Variants in CPEB4 observed in about 807,000 individuals in gnomAD.
CPEB4 encodes the protein cytoplasmic polyadenylation element binding protein 4, also known as cytoplasmic polyadenylation element-binding protein 4.
In CPEB4, 12 loss-of-function variants were observed where a neutral mutation model predicts 72.5. That is an observed-to-expected ratio of 0.17 (90% confidence interval 0.11 to 0.27). The LOEUF is 0.27. Ranked by LOEUF, CPEB4 falls within the 10% of genes least tolerant of loss-of-function variation. The probability of loss-of-function intolerance (pLI) is 1.00; values close to 1 mark genes in which losing one functional copy is unlikely to be tolerated. For missense variants in CPEB4, 614 were observed against 908.5 expected (o/e 0.68, Z 4.17); for synonymous variants, 302 against 326.3 (o/e 0.93, Z 0.80).
intron 2 of CPEB4, among the ~76,000 whole-genome samples, chr5:173,912,241 C>T (rs1000446388): frequency 2.0e-5 from 3 of 152,004 alleles, no homozygotes; most frequent in African/African-American, 7.3e-5. Flanking sequence ...CCTCTTGGAC[C>T]CTTTGTTTTC....
rs1304847822 is a variant in CPEB4, at chr5:173,888,796, G to A, written c.-938G>A. ...CCCGGAGCCGCAGAGAGGGGAAGAG[G>A]CAGAAACCGCAGGACCTTCCAGGTC... On this transcript the variant is annotated 5_prime_UTR_variant, in exon 1 of 10. Coordinates refer to ENST00000265085, the MANE Select transcript of CPEB4 (RefSeq NM_030627.4). This position sits in a 1 kb window ranked among gnomAD's most constrained non-coding sequence, Gnocchi z 4.3. The A allele has an allele frequency of 8.4e-6, 3 of 355,808 alleles. No individual in the cohort carries two copies. The highest frequency in any genetic ancestry group is 1.5e-5 in the Non-Finnish European group (3 of 199,884). The allele number at this position is 355,808 out of a possible 1,614,324, so 22.0% of individuals were successfully genotyped here.
chr5:173,890,811 T>A lies in CPEB4; in HGVS notation c.1078T>A (p.Trp360Arg). 1 of 1,614,074 alleles carries A rather than the reference T, an allele frequency of 6.2e-7. No homozygotes were observed. The highest frequency in any genetic ancestry group is 8.5e-7 in the Non-Finnish European group (1 of 1,179,970). The change falls in exon 1 of 10, where the codon TGG (tryptophan) becomes AGG (arginine). Residue 360 changes from tryptophan (W) to arginine (R), a missense_variant. Trp to Arg is a moderately radical substitution (Grantham distance 101). Transcript: ENST00000265085. ...RPSSAFAPKS[W>R]MEDSLNRADN... ...CAGCTCTGCCTTTGCACCTAAATCC[T>A]GGATGGAAGATAGCTTGAACAGGGC...
chr5:173,935,597 C>T (rs1022195087), intron 3 of CPEB4, among the ~76,000 whole-genome samples: 1 of 152,124 alleles, frequency 6.6e-6, no homozygotes, highest in African/African-American at 2.4e-5. Context: ...AAATGTAGAG[C>T]AGCTGTTTAT....
rs1455228733 is a variant in CPEB4, at chr5:173,959,366, G to T, written c.*3229G>T. 2.0e-5 allele frequency: 3 copies of T among 152,742 alleles called. No homozygotes were observed. The highest frequency in any genetic ancestry group is 4.8e-5 in the African/African-American group (2 of 41,440). The allele number at this position is 152,742 out of a possible 1,614,324, so 9.5% of individuals were successfully genotyped here. On this transcript the variant is annotated 3_prime_UTR_variant, in exon 10 of 10. Coordinates refer to ENST00000265085, the MANE Select transcript of CPEB4 (RefSeq NM_030627.4). ...TATACTTCTCCATACACAGACCTCTGCAGAATGCAAAATAAAACTTGCAGT... is the reference window on the plus strand; with the variant it reads ...TATACTTCTCCATACACAGACCTCTTCAGAATGCAAAATAAAACTTGCAGT...
In CPEB4 at chr5:173,956,575, C is replaced by T. The variant is rs1758384550; in HGVS notation, c.*438C>T. The T allele has an allele frequency of 6.6e-6, 1 of 151,400 alleles. No individual in the cohort carries two copies. The highest frequency in any genetic ancestry group is 1.5e-5 in the Non-Finnish European group (1 of 68,302). The allele number at this position is 151,400 out of a possible 1,614,324, so 9.4% of individuals were successfully genotyped here. ...ATCGGTCTATCTGACAGTTTTTCCCCCAGGGAAGTGCTTTTGCCTTTTCCT... is the reference window on the plus strand; with the variant it reads ...ATCGGTCTATCTGACAGTTTTTCCCTCAGGGAAGTGCTTTTGCCTTTTCCT... On this transcript the variant is annotated 3_prime_UTR_variant, in exon 10 of 10. Coordinates refer to ENST00000265085, the MANE Select transcript of CPEB4 (RefSeq NM_030627.4).
chr5:173,932,478 C>A lies in CPEB4; in HGVS notation c.1236C>A (p.Ser412=), dbSNP rs200019841. ...GTCTAAACTATTCATATCCAGGATC[C>A]GATAGCTCTCTGCTTATTAATGGTA... is the stretch of plus-strand genomic sequence containing the variant. ...KGRLNYSYPG[S]DSSLLINART... Residue 412 remains serine, a synonymous_variant, in exon 3 of 10, where the codon TCC becomes TCA. Coordinates refer to ENST00000265085, the MANE Select transcript of CPEB4 (RefSeq NM_030627.4). 3 of 1,612,418 alleles carry A rather than the reference C, an allele frequency of 1.9e-6. No homozygotes were observed. Among genetic ancestry groups the A allele is most frequent in the Non-Finnish European group, 2.5e-6 (3 of 1,179,198 alleles).
intron 3 of CPEB4, among the ~76,000 whole-genome samples, chr5:173,936,892 G>A (rs1426748721): frequency 6.6e-6 from 1 of 150,540 alleles, no homozygotes; most frequent in Non-Finnish European, 1.5e-5. Flanking sequence ...TGAACCTTGT[G>A]GCAGGAGAAA....
intron 4 of CPEB4, among the ~76,000 whole-genome samples, 179 bp from the exon 5 acceptor site, chr5:173,944,788 G>A (rs1757960417): frequency 6.6e-6 from 1 of 152,144 alleles, no homozygotes; most frequent in African/African-American, 2.4e-5. Context: ...CTTTCTCTCT[G>A]ACTCAGTTGG....
intron 1 of CPEB4, among the ~76,000 whole-genome samples, chr5:173,891,929 C>T (rs988053511): frequency 4.0e-5 from 6 of 151,646 alleles, no homozygotes; most frequent in Non-Finnish European, 7.4e-5. Flanking sequence ...TATATAATAA[C>T]TTAGCCAAGG....
chr5:173,938,776 G>A (rs1443148214), intron 3 of CPEB4, among the ~76,000 whole-genome samples: 1 of 152,160 alleles, frequency 6.6e-6, no homozygotes, highest in Non-Finnish European at 1.5e-5. Context: ...ATGTAGGAAA[G>A]TATGCTTTTG....
At chr5:173,893,823 G>A (rs1755903830) in intron 1 of CPEB4, among the ~76,000 whole-genome samples, 1 of 152,162 alleles carries the variant, frequency 6.6e-6, no homozygotes, top group Non-Finnish European at 1.5e-5. Flanking sequence ...TACATATAAT[G>A]AATTAAAATT....
rs1281022320 is a variant in CPEB4 at position 173,910,621 on chromosome 5, AC to A, written c.1207+20del. 4 of 1,453,766 alleles carry A rather than the reference AC, an allele frequency of 2.8e-6. No individual in the cohort carries two copies. In the East Asian group the frequency reaches 9.1e-5, roughly 33 times the overall value. The allele number at this position is 1,453,766 out of a possible 1,614,324, so 90.1% of individuals were successfully genotyped here. On this transcript the variant is annotated intron_variant, in intron 2 of 9. Coordinates refer to ENST00000265085, the MANE Select transcript of CPEB4 (RefSeq NM_030627.4). ...CCATTAAAGGTAAGTTTAGAAATAT[AC>A]CCAATTGATTTCAGACAATAGTTTT... is the stretch of plus-strand genomic sequence containing the variant.
chr5:173,914,951 C>T (rs982626718), intron 2 of CPEB4, among the ~76,000 whole-genome samples: 1 of 152,106 alleles, frequency 6.6e-6, no homozygotes, highest in African/African-American at 2.4e-5. Flanking sequence ...TCTGGTTCCT[C>T]ATAGGTATGC....
chr5:173,903,411 G>A (rs1756310100), intron 1 of CPEB4, among the ~76,000 whole-genome samples: 1 of 152,152 alleles, frequency 6.6e-6, no homozygotes, highest in Non-Finnish European at 1.5e-5. Flanking sequence ...CACCCCTAAG[G>A]ATCTAATGAA....
At chr5:173,951,793 A>T (rs1221846281) in intron 7 of CPEB4, 31 bp from the exon 8 acceptor site, 10 of 1,323,188 alleles carry the variant, frequency 7.6e-6, no homozygotes, top group Non-Finnish European at 1.1e-5. Context: ...CTGTATTGAG[A>T]ATGAGACATT....
chr5:173,930,593 C>T (rs2113232788), intron 2 of CPEB4, among the ~76,000 whole-genome samples: 1 of 152,222 alleles, frequency 6.6e-6, no homozygotes, highest in Admixed American at 6.5e-5. Flanking sequence ...TCTTCCATCT[C>T]CATTCCTACC....
rs1012100174 is a variant in CPEB4, at chr5:173,955,652, C to T, written c.1963-258C>T. Among the ~76,000 whole-genome samples, 1 of 152,170 alleles carries T rather than the reference C, an allele frequency of 6.6e-6. No individual in the cohort carries two copies. Among genetic ancestry groups the T allele is most frequent in the Non-Finnish European group, 1.5e-5 (1 of 68,032 alleles). On this transcript the variant is annotated intron_variant, in intron 9 of 9. Coordinates refer to ENST00000265085, the MANE Select transcript of CPEB4 (RefSeq NM_030627.4). This position sits in a 1 kb window ranked among gnomAD's most constrained non-coding sequence, Gnocchi z 4.7. ...ATTCTAGTCTAAACAGTTGGCTTCACTTCATGATGTCTGCTCAAATCCTTT... is the reference window on the plus strand; with the variant it reads ...ATTCTAGTCTAAACAGTTGGCTTCATTTCATGATGTCTGCTCAAATCCTTT...
intron 5 of CPEB4, among the ~76,000 whole-genome samples, chr5:173,947,398 G>A (rs1480545920): frequency 6.6e-6 from 1 of 152,124 alleles, no homozygotes; most frequent in Non-Finnish European, 1.5e-5. Context: ...ATGAATGTAT[G>A]TAGAGGGGGC....
intron 5 of CPEB4, among the ~76,000 whole-genome samples, chr5:173,946,561 C>A (rs1758020914): frequency 6.6e-6 from 1 of 152,036 alleles, no homozygotes; most frequent in Non-Finnish European, 1.5e-5. Flanking sequence ...TGGAAACAGA[C>A]CTTTGAACAC....
Sources: gnomAD v4.1 joint callset for allele counts (sites outside exome capture counted in the v4.1 genomes callset) on GRCh38, gnomAD v4.1.1 for gene constraint, Gnocchi (gnomAD v3.1) non-coding constraint, MANE v1.5 for transcripts, NCBI Gene and HGNC (gene_info 2026-07-23, HGNC 2026-07-21) for gene names.